The following PTPRD variants were observed in gnomAD, a reference collection of about 807,000 sequenced individuals.
PTPRD encodes receptor-type tyrosine-protein phosphatase delta.
Under a neutral mutation model 214.5 loss-of-function variants are expected in PTPRD, and 34 were observed. The observed-to-expected ratio is 0.16, with a 90% CI of 0.12 to 0.21. The LOEUF is 0.21. Among genes scored for constraint, PTPRD ranks in the 10% least tolerant of loss-of-function variants. The pLI is 1.00. For missense variants in PTPRD, 2,545 were observed against 2,398.7 expected, an observed-to-expected ratio of 1.06 and a Z score of -1.27; for synonymous variants, 1,128 against 845.7, an observed-to-expected ratio of 1.33 and a Z score of -5.79.
At chr9:9,414,126 A>T (rs939803080) in intron 8 of PTPRD, among the ~76,000 whole-genome samples, 2 of 152,256 alleles carry the variant, frequency 1.3e-5, no homozygotes, top group South Asian at 2.1e-4. Context: ...GGACAATCCA[A>T]ACTCTTCAAT....
intron 2 of PTPRD, among the ~76,000 whole-genome samples, chr9:10,354,566 T>C (rs950660383): frequency 2.6e-5 from 4 of 152,200 alleles, no homozygotes; most frequent in Non-Finnish European, 5.9e-5. Flanking sequence ...GTTCTTTGAC[T>C]CTCAAATATG....
chr9:8,364,171 A>C (rs71507642), intron 39 of PTPRD, among the ~76,000 whole-genome samples: 1 of 152,254 alleles, frequency 6.6e-6, no homozygotes. Flanking sequence ...AAGTGCAAGA[A>C]ATAGCACAAA....
At chr9:9,343,903 C>T (rs912804223) in intron 9 of PTPRD, among the ~76,000 whole-genome samples, 5 of 152,188 alleles carry the variant, frequency 3.3e-5, no homozygotes, top group Admixed American at 2.0e-4. Context: ...TGAGAAGAAA[C>T]AGGTTATCTA....
At chr9:9,431,254 A>C (rs1293368810) in intron 8 of PTPRD, among the ~76,000 whole-genome samples, 1 of 152,218 alleles carries the variant, frequency 6.6e-6, no homozygotes, top group African/African-American at 2.4e-5. Flanking sequence ...GATATGAACA[A>C]ACACTTCTCA....
chr9:8,595,607 A>G (rs1294844045), intron 14 of PTPRD, among the ~76,000 whole-genome samples: 2 of 152,246 alleles, frequency 1.3e-5, no homozygotes, highest in Admixed American at 6.5e-5. Flanking sequence ...AAGAGCATCA[A>G]GATAAACTCT....
intron 3 of PTPRD, among the ~76,000 whole-genome samples, chr9:10,340,472 GT>G (rs1450404788): frequency 1.3e-5 from 2 of 151,632 alleles, no homozygotes; most frequent in Admixed American, 1.3e-4. Context: ...TTTGTTTTTT[GT>G]TTTTGGTTTA....
intron 11 of PTPRD, among the ~76,000 whole-genome samples, chr9:8,967,341 A>T (rs1285581440): frequency 1.3e-5 from 2 of 152,116 alleles, no homozygotes; most frequent in Admixed American, 1.3e-4. Flanking sequence ...AATGGAAAGA[A>T]ATCATCCTAC....
rs147795445 is a variant in PTPRD at position 9,652,638 on chromosome 9, T to G, written c.-286-77857A>C. Among the ~76,000 whole-genome samples, 1,108 of 151,784 alleles carry G rather than the reference T, an allele frequency of 7.3e-3. 12 individuals carry two copies. The highest frequency in any genetic ancestry group is 0.026 in the African/African-American group (1,073 of 41,356). On this transcript the variant is annotated intron_variant, in intron 7 of 45. Coordinates refer to ENST00000381196, the MANE Select transcript of PTPRD (RefSeq NM_002839.4). ...ACCACTTTTTTTTTTTTTTGAGATG[T>G]AGTTTCACTCTTTTTGCCCAGGCTG...
At position 8,787,623 on chromosome 9, in the gene PTPRD, G is replaced by A. The variant is rs1325730065; in HGVS notation, c.-103-53677C>T. Among the ~76,000 whole-genome samples the A allele has an allele frequency of 2.6e-5, 4 of 152,184 alleles. No individual in the cohort carries two copies. In the East Asian group the frequency reaches 7.7e-4, roughly 29 times the overall value. On this transcript the variant is annotated intron_variant, in intron 11 of 45. Coordinates refer to ENST00000381196, the MANE Select transcript of PTPRD (RefSeq NM_002839.4). ...GATATGTGAAATATCTAAAGTTGAA[G>A]AAGGTAGAGAAACGGAGCAGGAGAG... is the stretch of plus-strand genomic sequence containing the variant.
intron 7 of PTPRD, 70 bp from the exon 8 acceptor site, chr9:9,574,851 G>C (rs1462961536): frequency 2.0e-5 from 3 of 152,046 alleles, no homozygotes; most frequent in Non-Finnish European, 4.4e-5. Context: ...AACCTTAAGA[G>C]GTTAGTAATT....
At chr9:9,869,087 A>G (rs2064769745) in intron 5 of PTPRD, among the ~76,000 whole-genome samples, 1 of 152,184 alleles carries the variant, frequency 6.6e-6, no homozygotes, top group African/African-American at 2.4e-5. Flanking sequence ...ACATAAAACC[A>G]AAACTATGAA....
intron 7 of PTPRD, among the ~76,000 whole-genome samples, chr9:9,610,512 T>TTTTCA (rs2094459390): frequency 6.6e-6 from 1 of 152,168 alleles, no homozygotes; most frequent in Non-Finnish European, 1.5e-5. Flanking sequence ...ATTAATTATA[T>TTTTCA]TTTCATTGAA....
At chr9:9,116,309 C>T (rs555577104) in intron 10 of PTPRD, among the ~76,000 whole-genome samples, 4 of 152,186 alleles carry the variant, frequency 2.6e-5, no homozygotes, top group African/African-American at 7.2e-5. Flanking sequence ...AAAATAATGT[C>T]TTTTGCAGCA....
At chr9:8,702,795 G>T (rs775761353) in intron 12 of PTPRD, among the ~76,000 whole-genome samples, 1 of 152,188 alleles carries the variant, frequency 6.6e-6, no homozygotes, top group South Asian at 2.1e-4. Context: ...TTTTAGTAAA[G>T]ACGGGGTTTC....
chr9:9,828,904 T>A (rs1298044838), intron 5 of PTPRD, among the ~76,000 whole-genome samples: 1 of 151,916 alleles, frequency 6.6e-6, no homozygotes, highest in Non-Finnish European at 1.5e-5. Context: ...ATATATGCTG[T>A]TTCAATTGAA....
intron 7 of PTPRD, among the ~76,000 whole-genome samples, chr9:9,658,470 C>T (rs1036713553): frequency 6.6e-6 from 1 of 151,944 alleles, no homozygotes; most frequent in Non-Finnish European, 1.5e-5. Context: ...ACTGTTTTTC[C>T]GAACATCTAG....
At chr9:9,558,634 G>A (rs1051623311) in intron 8 of PTPRD, among the ~76,000 whole-genome samples, 4 of 152,140 alleles carry the variant, frequency 2.6e-5, no homozygotes, top group Non-Finnish European at 4.4e-5. Context: ...CCCATCTATT[G>A]GCACAGATTA....
chr9:8,910,245 G>A (rs927794110), intron 11 of PTPRD, among the ~76,000 whole-genome samples: 1 of 151,846 alleles, frequency 6.6e-6, no homozygotes, highest in Admixed American at 6.6e-5. Context: ...CACCGTGTTA[G>A]CCAGGATGGT....
intron 9 of PTPRD, among the ~76,000 whole-genome samples, chr9:9,322,607 T>C (rs543782329): frequency 6.6e-6 from 1 of 152,176 alleles, no homozygotes; most frequent in Non-Finnish European, 1.5e-5. Flanking sequence ...AACATATGCA[T>C]GTCAGGATCT....
Sources: allele counts gnomAD v4.1 joint callset (sites outside exome capture counted in the v4.1 genomes callset), GRCh38; gene constraint gnomAD v4.1.1; transcripts MANE v1.5; gene names NCBI Gene and HGNC (gene_info 2026-07-23, HGNC 2026-07-21).